TMEM17: variants seen among roughly 807,000 people sequenced by gnomAD.
TMEM17 encodes transmembrane protein 17.
Under a neutral mutation model 19.1 loss-of-function variants are expected in TMEM17, and 15 were observed. The ratio of observed to expected loss-of-function variants is 0.78; its 90% CI spans 0.52 to 1.21. TMEM17 has a LOEUF of 1.21. Among genes scored for constraint, TMEM17 ranks in the 50% most tolerant of loss-of-function variants. TMEM17 has a pLI of 0.00. For missense variants in TMEM17, 245 were observed against 242.3 expected (o/e 1.01, Z -0.07); for synonymous variants, 103 against 86.9 (o/e 1.19, Z -1.03).
At chr2:62,459,893 C>T in the TMEM17 span, among the ~76,000 whole-genome samples, 1 of 152,250 alleles carries the variant, frequency 6.6e-6, no homozygotes, top group East Asian at 1.9e-4. Flanking sequence ...CCACCTTGGC[C>T]TCCAAGTAGT....
chr2:62,458,563 C>G, the TMEM17 span, among the ~76,000 whole-genome samples: 1 of 152,212 alleles, frequency 6.6e-6, no homozygotes, highest in Non-Finnish European at 1.5e-5. Context: ...TGACCCATCT[C>G]GAAGCATTGT....
chr2:62,458,817 T>C, the TMEM17 span, among the ~76,000 whole-genome samples: 2 of 152,190 alleles, frequency 1.3e-5, no homozygotes, highest in Admixed American at 6.5e-5. Flanking sequence ...TGACAGCTGG[T>C]CCAAAGCTGT....
chr2:62,497,597 G>A (rs1188128945), downstream of TMEM17, among the ~76,000 whole-genome samples: 1 of 152,166 alleles, frequency 6.6e-6, no homozygotes, highest in Non-Finnish European at 1.5e-5. Flanking sequence ...TCATTTAGAT[G>A]TCTCTTCTCT....
the TMEM17 span, among the ~76,000 whole-genome samples, chr2:62,462,176 C>T: frequency 0.03 from 4,517 of 152,314 alleles, 83 homozygotes; most frequent in Non-Finnish European, 0.042. Flanking sequence ...CCCAGTCCTG[C>T]ACTCAAGTGC....
chr2:62,493,454 A>G, the TMEM17 span, among the ~76,000 whole-genome samples: 1 of 152,200 alleles, frequency 6.6e-6, no homozygotes. Flanking sequence ...TACAACAAGA[A>G]AGCGCACAGT....
the TMEM17 span, among the ~76,000 whole-genome samples, chr2:62,459,927 G>A: frequency 5.2e-3 from 795 of 152,288 alleles, 9 homozygotes; most frequent in African/African-American, 0.018. Flanking sequence ...GGGCACCACC[G>A]TGCCCCACTC....
the TMEM17 span, among the ~76,000 whole-genome samples, chr2:62,479,733 A>G: frequency 6.6e-6 from 1 of 152,024 alleles, no homozygotes; most frequent in Non-Finnish European, 1.5e-5. Context: ...AAAAAATAAA[A>G]ATAATTAGCC....
the TMEM17 span, among the ~76,000 whole-genome samples, chr2:62,469,641 A>T: frequency 2.0e-5 from 3 of 152,234 alleles, no homozygotes; most frequent in African/African-American, 7.2e-5. Flanking sequence ...GGAGGCAAAC[A>T]GCAGTTTGAA....
At chr2:62,481,422 T>A in the TMEM17 span, among the ~76,000 whole-genome samples, 1 of 152,070 alleles carries the variant, frequency 6.6e-6, no homozygotes, top group African/African-American at 2.4e-5. Flanking sequence ...CCCTTTATTA[T>A]TTTTTTTCTC....
the TMEM17 span, among the ~76,000 whole-genome samples, chr2:62,486,147 C>T: frequency 6.6e-6 from 1 of 152,090 alleles, no homozygotes. Flanking sequence ...GCTGAATTGA[C>T]CAGGAAAGAA....
chr2:62,502,368 G>T, intron 3 of TMEM17, 69 bp downstream of exon 3: 1 of 1,088,036 alleles, frequency 9.2e-7, no homozygotes, highest in Non-Finnish European at 1.4e-6. Context: ...ACACCTCACT[G>T]CCTTTTACTT....
At chr2:62,489,660 AG>A in the TMEM17 span, among the ~76,000 whole-genome samples, 1 of 152,286 alleles carries the variant, frequency 6.6e-6, no homozygotes, top group African/African-American at 2.4e-5. Flanking sequence ...TTTATAACAT[AG>A]GGGGCTGTTT....
At chr2:62,480,173 A>AT in the TMEM17 span, among the ~76,000 whole-genome samples, 3 of 151,348 alleles carry the variant, frequency 2.0e-5, no homozygotes, top group Non-Finnish European at 4.4e-5. Context: ...GACGTTGAAC[A>AT]TTTTTTTCAT....
At chr2:62,483,766 A>G in the TMEM17 span, among the ~76,000 whole-genome samples, 1 of 151,872 alleles carries the variant, frequency 6.6e-6, no homozygotes, top group Non-Finnish European at 1.5e-5. Flanking sequence ...CGCCCGGCTA[A>G]TTTTTGTATT....
At chr2:62,457,279 C>T in the TMEM17 span, among the ~76,000 whole-genome samples, 9 of 152,382 alleles carry the variant, frequency 5.9e-5, no homozygotes, top group South Asian at 2.1e-4. This position sits in a 1 kb window ranked among gnomAD's most constrained non-coding sequence, Gnocchi z 4.2. Context: ...CCCTGGCCCG[C>T]TGCGCTCTCG....
downstream of TMEM17, among the ~76,000 whole-genome samples, chr2:62,496,737 A>T (rs1340767531): frequency 6.6e-6 from 1 of 152,236 alleles, no homozygotes; most frequent in Non-Finnish European, 1.5e-5. Context: ...TAATTCAAGT[A>T]AAGAATCATT....
At chr2:62,481,348 A>C in the TMEM17 span, among the ~76,000 whole-genome samples, 3 of 152,182 alleles carry the variant, frequency 2.0e-5, 1 homozygote, top group Admixed American at 2.0e-4. Context: ...GGCAGAGTCT[A>C]CAGGTTTTTC....
the TMEM17 span, among the ~76,000 whole-genome samples, chr2:62,460,087 A>G: frequency 1.3e-5 from 2 of 152,254 alleles, no homozygotes; most frequent in Non-Finnish European, 2.9e-5. Flanking sequence ...GTAACTGAAT[A>G]GTGCCTCTGT....
chr2:62,487,424 T>C, the TMEM17 span, among the ~76,000 whole-genome samples: 1 of 152,230 alleles, frequency 6.6e-6, no homozygotes, highest in Non-Finnish European at 1.5e-5. Context: ...GCAAGCTCAG[T>C]TCCATCTGCA....
Sources: allele counts gnomAD v4.1 joint callset (sites outside exome capture counted in the v4.1 genomes callset), GRCh38; gene constraint gnomAD v4.1.1; non-coding constraint Gnocchi (gnomAD v3.1); transcripts MANE v1.5; gene names NCBI Gene and HGNC (gene_info 2026-07-23, HGNC 2026-07-21).